Variants in ASIC2 observed in about 807,000 individuals in gnomAD.
ASIC2 encodes the protein acid sensing ion channel subunit 2.
A neutral mutation model predicts 57.3 loss-of-function variants in ASIC2; 25 were observed. The observed-to-expected ratio is 0.44, with a 90% CI of 0.32 to 0.61. The LOEUF is 0.61. ASIC2 is among the 20% of genes least tolerant of loss of function. The pLI is 0.06. For missense variants in ASIC2, 641 were observed against 738.1 expected, an observed-to-expected ratio of 0.87 and a Z score of 1.52; for synonymous variants, 319 against 307.5, an observed-to-expected ratio of 1.04 and a Z score of -0.39.
intron 1 of ASIC2, among the ~76,000 whole-genome samples, chr17:33,786,780 T>C (rs1308709133): frequency 6.6e-6 from 1 of 152,126 alleles, no homozygotes; most frequent in Non-Finnish European, 1.5e-5. Context: ...TGATGGCTTA[T>C]CTCTCTTGGG....
chr17:33,226,954 C>T (rs1400331953), intron 1 of ASIC2, among the ~76,000 whole-genome samples: 2 of 151,524 alleles, frequency 1.3e-5, no homozygotes, highest in Non-Finnish European at 2.9e-5. Context: ...AATCAATATA[C>T]AAAAATTACT....
At chr17:33,373,289 T>C (rs994880473) in intron 1 of ASIC2, among the ~76,000 whole-genome samples, 2 of 152,256 alleles carry the variant, frequency 1.3e-5, no homozygotes, top group Non-Finnish European at 1.5e-5. Context: ...ATTATGACAG[T>C]AAGAGAAATC....
intron 1 of ASIC2, among the ~76,000 whole-genome samples, chr17:33,413,623 C>A (rs181428407): frequency 3.3e-5 from 5 of 152,316 alleles, no homozygotes; most frequent in Middle Eastern, 3.4e-3. Context: ...CCCATTCTCC[C>A]AGTAGCCTTT....
intron 1 of ASIC2, among the ~76,000 whole-genome samples, chr17:33,473,102 T>C (rs1913108209): frequency 1.3e-5 from 2 of 152,220 alleles, no homozygotes; most frequent in Non-Finnish European, 2.9e-5. Context: ...TTACTTTGGC[T>C]CCTGCTGGCT....
At chr17:33,603,649 C>G (rs1200009270) in intron 1 of ASIC2, among the ~76,000 whole-genome samples, 1 of 152,162 alleles carries the variant, frequency 6.6e-6, no homozygotes, top group Non-Finnish European at 1.5e-5. Flanking sequence ...AAGGAGAAGT[C>G]AAAACTGGAT....
intron 1 of ASIC2, among the ~76,000 whole-genome samples, chr17:34,084,419 C>G (rs896219768): frequency 6.6e-6 from 1 of 152,230 alleles, no homozygotes; most frequent in African/African-American, 2.4e-5. Flanking sequence ...TGTTTTGGTA[C>G]CAGTACCATG....
At chr17:33,371,658 T>C (rs1251464503) in intron 1 of ASIC2, among the ~76,000 whole-genome samples, 1 of 152,078 alleles carries the variant, frequency 6.6e-6, no homozygotes, top group African/African-American at 2.4e-5. Flanking sequence ...CGATGTGACA[T>C]GTCTGAAAAC....
At chr17:33,596,895 C>T (rs749142309) in intron 1 of ASIC2, among the ~76,000 whole-genome samples, 13 of 152,230 alleles carry the variant, frequency 8.5e-5, no homozygotes, top group Non-Finnish European at 1.2e-4. Context: ...GAAAAGAGTA[C>T]TCCAGAGAGG....
intron 1 of ASIC2, among the ~76,000 whole-genome samples, chr17:33,177,936 G>A (rs1282007849): frequency 6.6e-6 from 1 of 152,138 alleles, no homozygotes; most frequent in South Asian, 2.1e-4. Context: ...TGTGAGACCT[G>A]ATCAAAACTG....
chr17:33,153,608 C>G (rs62069668), intron 1 of ASIC2, among the ~76,000 whole-genome samples: 6,311 of 152,228 alleles, frequency 0.041, 185 homozygotes, highest in East Asian at 0.085. Context: ...AGGGTTTATG[C>G]TTTCACAATT....
intron 3 of ASIC2, among the ~76,000 whole-genome samples, chr17:33,067,820 G>A (rs2092050236): frequency 6.6e-6 from 1 of 152,258 alleles, no homozygotes; most frequent in Non-Finnish European, 1.5e-5. Flanking sequence ...GGGCCAGGAC[G>A]AGGCGAATTG....
intron 1 of ASIC2, among the ~76,000 whole-genome samples, chr17:33,440,630 G>A (rs1055444172): frequency 2.0e-5 from 3 of 152,182 alleles, no homozygotes; most frequent in Non-Finnish European, 4.4e-5. Flanking sequence ...GAAGTATATC[G>A]TTGGTCTTTC....
At chr17:33,250,640 A>G (rs982028591) in intron 1 of ASIC2, among the ~76,000 whole-genome samples, 2 of 152,206 alleles carry the variant, frequency 1.3e-5, no homozygotes, top group African/African-American at 4.8e-5. Context: ...TCATTTCCAT[A>G]TTTTTGTTTT....
intron 1 of ASIC2, among the ~76,000 whole-genome samples, chr17:33,729,583 G>T (rs937993046): frequency 4.6e-5 from 7 of 152,182 alleles, no homozygotes; most frequent in Middle Eastern, 6.3e-3. Flanking sequence ...ACAGAGTCCA[G>T]AGCCAGATTC....
chr17:33,659,184 T>C (rs1907170893), intron 1 of ASIC2, among the ~76,000 whole-genome samples: 1 of 152,138 alleles, frequency 6.6e-6, no homozygotes, highest in African/African-American at 2.4e-5. Context: ...CCGGGGAATA[T>C]TCCTGTCTTG....
intron 1 of ASIC2, among the ~76,000 whole-genome samples, chr17:33,695,289 A>T (rs1908490375): frequency 6.6e-6 from 1 of 152,248 alleles, no homozygotes; most frequent in Non-Finnish European, 1.5e-5. Context: ...AACATAAACA[A>T]ATCATTTAAA....
In ASIC2 at chr17:33,388,257, G is replaced by A. The variant is rs540008822; in HGVS notation, c.556-276190C>T. 2.6e-5 allele frequency among the ~76,000 whole-genome samples: 4 copies of A among 152,362 alleles called. No homozygotes were observed. In the East Asian group the frequency reaches 7.7e-4, roughly 29 times the overall value. On this transcript the variant is annotated intron_variant, in intron 1 of 9. Transcript: ENST00000359872. ...GGCGTGGAATCGACTCTTCCCCAGA[G>A]CCTCTGGAGGGGGTACAGCCCTGCT... is the stretch of plus-strand genomic sequence containing the variant.
At chr17:33,142,379 C>T (rs1334829593) in intron 1 of ASIC2, among the ~76,000 whole-genome samples, 1 of 152,222 alleles carries the variant, frequency 6.6e-6, no homozygotes, top group Non-Finnish European at 1.5e-5. Context: ...ATTCACCATG[C>T]AGAGGCGAAT....
At chr17:34,111,675 A>G (rs1911279898) in intron 1 of ASIC2, among the ~76,000 whole-genome samples, 1 of 152,216 alleles carries the variant, frequency 6.6e-6, no homozygotes, top group Non-Finnish European at 1.5e-5. Flanking sequence ...ATAAGGGAGA[A>G]TCTGCATTCA....
Sources: gnomAD v4.1 joint callset for allele counts (sites outside exome capture counted in the v4.1 genomes callset) on GRCh38, gnomAD v4.1.1 for gene constraint, MANE v1.5 for transcripts, NCBI Gene and HGNC (gene_info 2026-07-23, HGNC 2026-07-21) for gene names.